DACH2: variants seen among roughly 807,000 people sequenced by gnomAD.
DACH2 encodes dachshund homolog 2.
In DACH2, 17 loss-of-function variants were observed where a neutral mutation model predicts 35.8. The ratio of observed to expected loss-of-function variants is 0.48; its 90% CI spans 0.33 to 0.71. The LOEUF (loss-of-function observed/expected upper bound fraction) is 0.71, where lower values mean the gene tolerates loss of function less well. Among genes scored for constraint, DACH2 ranks in the 30% least tolerant of loss-of-function variants. The pLI is 0.02. For synonymous variants in DACH2, 195 were observed against 177.3 expected (o/e 1.10, Z -0.79); for missense variants, 469 against 472.7 (o/e 0.99, Z 0.07).
At position 86,446,269 on chromosome X, in the gene DACH2, A is replaced by G. The variant is rs1456234115; in HGVS notation, c.528-68010A>G. Among the ~76,000 whole-genome samples, 4 of 98,375 alleles carry G rather than the reference A, an allele frequency of 4.1e-5. No homozygotes were observed. The East Asian group carries it at 1.4e-3, about 34-fold the overall frequency. 85.4% of individuals were successfully genotyped at this position (98,375 alleles called of 115,157 possible). A position where few individuals can be genotyped will look rare whatever the true frequency, so the allele number is the denominator to read the frequency against. ...ATTAATTCAGTTTCTTGTAAGAAGC[A>G]TATAGTTGAGTCTTGTTTCTTTTTT... On this transcript the variant is annotated intron_variant, in intron 2 of 11. Coordinates refer to ENST00000373125, the MANE Select transcript of DACH2 (RefSeq NM_053281.3).
intron 7 of DACH2, among the ~76,000 whole-genome samples, chrX:86,760,233 C>T (rs1037574736): frequency 3.6e-5 from 4 of 110,978 alleles, no homozygotes; most frequent in South Asian, 3.8e-4. Flanking sequence ...TATCTGTGTG[C>T]GCAAGTCTCT....
intron 1 of DACH2, among the ~76,000 whole-genome samples, chrX:86,206,969 T>C (rs933199098): frequency 3.6e-5 from 4 of 111,922 alleles, no homozygotes; most frequent in African/African-American, 1.3e-4. Flanking sequence ...ATTGATAATG[T>C]CATTTCTTAA....
intron 4 of DACH2, 73 bp downstream of exon 4, chrX:86,651,240 G>A (rs2040475615): frequency 4.8e-6 from 5 of 1,041,632 alleles, no homozygotes; most frequent in Non-Finnish European, 6.4e-6. Flanking sequence ...GGTGGGATGA[G>A]GATGGAGGAG....
At chrX:86,418,095 G>T (rs2036739958) in intron 2 of DACH2, among the ~76,000 whole-genome samples, 2 of 112,307 alleles carry the variant, frequency 1.8e-5, no homozygotes, top group Admixed American at 9.4e-5. Flanking sequence ...TCACACTGAT[G>T]CAAAAGGTGG....
intron 1 of DACH2, among the ~76,000 whole-genome samples, chrX:86,163,421 A>G (rs1340222370): frequency 1.8e-5 from 2 of 109,669 alleles, no homozygotes; most frequent in African/African-American, 6.6e-5. Context: ...GTGTGTATGT[A>G]CCACATTTTC....
intron 2 of DACH2, among the ~76,000 whole-genome samples, chrX:86,400,948 T>C (rs1186433571): frequency 8.9e-6 from 1 of 112,455 alleles, no homozygotes; most frequent in Non-Finnish European, 1.9e-5. Context: ...TATTACTGTC[T>C]TTTGTTTGTC....
At chrX:86,712,425 A>C (rs778973617) in intron 5 of DACH2, among the ~76,000 whole-genome samples, 2 of 110,867 alleles carry the variant, frequency 1.8e-5, no homozygotes, top group South Asian at 7.6e-4. Flanking sequence ...TGCCTGGCTT[A>C]TTTTGCTTAG....
chrX:86,191,603 C>T (rs2031835219), intron 1 of DACH2, among the ~76,000 whole-genome samples: 1 of 111,264 alleles, frequency 9.0e-6, no homozygotes, highest in East Asian at 2.8e-4. Context: ...AACAAATGTG[C>T]ATGTGTACCC....
intron 1 of DACH2, among the ~76,000 whole-genome samples, chrX:86,160,071 C>T (rs1453281850): frequency 9.1e-6 from 1 of 110,305 alleles, no homozygotes; most frequent in Non-Finnish European, 1.9e-5. Context: ...ACAAAGTGTT[C>T]CACAAAACAT....
At chrX:86,529,973 A>ACACACG (rs1556296705) in intron 3 of DACH2, among the ~76,000 whole-genome samples, 3 of 43,320 alleles carry the variant, frequency 6.9e-5, no homozygotes, top group Non-Finnish European at 1.5e-4. Flanking sequence ...ACACACACAC[A>ACACACG]CACGCACACA....
intron 2 of DACH2, among the ~76,000 whole-genome samples, chrX:86,382,174 A>G (rs1445029532): frequency 9.1e-6 from 1 of 109,400 alleles, no homozygotes; most frequent in Non-Finnish European, 1.9e-5. Flanking sequence ...GAGCCCATGA[A>G]ATAGCCTCAG....
At chrX:86,695,295 T>G (rs2041054824) in intron 5 of DACH2, 116 bp downstream of exon 5, 1 of 598,989 alleles carries the variant, frequency 1.7e-6, no homozygotes, top group Non-Finnish European at 2.3e-6. Flanking sequence ...GTTTAACAAT[T>G]TAATATCAGA....
At chrX:86,781,285 C>G (rs759946856) in intron 7 of DACH2, among the ~76,000 whole-genome samples, 40 of 111,372 alleles carry the variant, frequency 3.6e-4, no homozygotes, top group African/African-American at 1.3e-3. Flanking sequence ...CCTTCTGAAG[C>G]CGGGAGATAG....
chrX:86,334,411 C>T (rs947208203), intron 1 of DACH2, among the ~76,000 whole-genome samples: 5 of 112,019 alleles, frequency 4.5e-5, no homozygotes, highest in Admixed American at 3.8e-4. Flanking sequence ...CACATCCTCT[C>T]CAGCATCTGT....
chrX:86,608,421 T>C (rs2148365614), intron 3 of DACH2, among the ~76,000 whole-genome samples: 1 of 111,888 alleles, frequency 8.9e-6, no homozygotes, highest in Non-Finnish European at 1.9e-5. Context: ...TACTAGGTAT[T>C]GTTTTTGATT....
intron 2 of DACH2, among the ~76,000 whole-genome samples, chrX:86,450,575 C>T (rs946439614): frequency 2.7e-5 from 3 of 110,685 alleles, no homozygotes; most frequent in African/African-American, 6.6e-5. Flanking sequence ...TATATTCCTT[C>T]GGGTATGTCC....
At chrX:86,245,964 G>A (rs757724676) in intron 1 of DACH2, among the ~76,000 whole-genome samples, 1 of 111,723 alleles carries the variant, frequency 9.0e-6, no homozygotes, top group East Asian at 2.8e-4. Context: ...GACATTTTAA[G>A]AAAGAAACAA....
rs75636268 is a variant in DACH2, at chrX:86,756,634, G to T, written c.1240+16752G>T. On this transcript the variant is annotated intron_variant, in intron 7 of 11. Transcript: ENST00000373125. ...TATGTATTAGATCTAAGATTTTTTGGTGAAATCTTTAGGTTTTTTGGATAT... is the reference window on the plus strand; with the variant it reads ...TATGTATTAGATCTAAGATTTTTTGTTGAAATCTTTAGGTTTTTTGGATAT... 0.014 allele frequency among the ~76,000 whole-genome samples: 1,555 copies of T among 110,566 alleles called. 54 individuals carry two copies. The East Asian group carries it at 0.17, about 12-fold the overall frequency.
At chrX:86,542,559 C>A (rs1270639553) in intron 3 of DACH2, among the ~76,000 whole-genome samples, 2 of 111,439 alleles carry the variant, frequency 1.8e-5, no homozygotes, top group African/African-American at 6.5e-5. Flanking sequence ...CTGTGCCATG[C>A]CCCTTGAACA....
Sources: allele counts gnomAD v4.1 joint callset (sites outside exome capture counted in the v4.1 genomes callset), GRCh38; gene constraint gnomAD v4.1.1; transcripts MANE v1.5; gene names NCBI Gene and HGNC (gene_info 2026-07-23, HGNC 2026-07-21).